NEURL1: variants seen among roughly 807,000 people sequenced by gnomAD.
The protein encoded by NEURL1 is E3 ubiquitin-protein ligase NEURL1.
NEURL1 carries 26 observed loss-of-function variants against 41.2 expected under a neutral mutation model. The ratio of observed to expected loss-of-function variants is 0.63; its 90% confidence interval spans 0.46 to 0.87. NEURL1 has a LOEUF of 0.87. NEURL1 is among the 40% of genes least tolerant of loss of function. NEURL1 has a pLI of 0.00. For missense variants in NEURL1, 761 were observed against 871.1 expected (o/e 0.87, Z 1.59); for synonymous variants, 400 against 402.3 (o/e 0.99, Z 0.07).
In NEURL1 at chr10:103,558,243, G is replaced by T; in HGVS notation, c.86-12629G>T. The T allele has an allele frequency of 1.0e-6, 1 of 985,306 alleles. No homozygotes were observed. The highest frequency in any genetic ancestry group is 1.2e-6 in the Non-Finnish European group (1 of 829,946). The allele number at this position is 985,306 out of a possible 1,614,324, so 61.0% of individuals were successfully genotyped here. ...CGGGCCAAACATTTTGGATTGCTGC[G>T]TTAAAGTGAGTGAGGGGAGGGTGAC... On this transcript the variant is annotated intron_variant, in intron 1 of 5. Transcript: ENST00000369780. The surrounding 1 kb of genome is among the most constrained non-coding windows in gnomAD (Gnocchi z 4.2).
At chr10:103,563,600 C>T (rs1564823436) in intron 1 of NEURL1, among the ~76,000 whole-genome samples, 1 of 151,856 alleles carries the variant, frequency 6.6e-6, no homozygotes, top group African/African-American at 2.4e-5. Context: ...TTTGGAGAGG[C>T]GCAGATGAGG....
At chr10:103,579,624 G>A (rs1367534905) in intron 3 of NEURL1, among the ~76,000 whole-genome samples, 2 of 152,122 alleles carry the variant, frequency 1.3e-5, no homozygotes, top group Non-Finnish European at 2.9e-5. Flanking sequence ...TAAGACTCTG[G>A]TAACTGAATT....
rs749130978 is a variant in NEURL1 at position 103,590,180 on chromosome 10, C to T, written c.1533C>T (p.Thr511=). Residue 511 remains threonine, a synonymous_variant, in exon 6 of 6, where the codon ACC becomes ACT. Transcript: ENST00000369780. Reference sequence around the variant, plus strand: ...TGAGCCTGCCCGAGTCGCCAGTGACCCCAGGTCTGGGCCAGTGGAGCGATG... The same window carrying T: ...TGAGCCTGCCCGAGTCGCCAGTGACTCCAGGTCTGGGCCAGTGGAGCGATG... ...SPVSLPESPV[T]PGLGQWSDEC... The T allele has an allele frequency of 3.1e-6, 5 of 1,614,182 alleles. No individual in the cohort carries two copies. The highest frequency in any genetic ancestry group is 4.2e-6 in the Non-Finnish European group (5 of 1,180,048).
chr10:103,509,049 C>T (rs747102771), intron 1 of NEURL1, among the ~76,000 whole-genome samples: 1 of 151,984 alleles, frequency 6.6e-6, no homozygotes, highest in Non-Finnish European at 1.5e-5. Context: ...GCCAACATGG[C>T]GAAAGCCCAT....
intron 3 of NEURL1, among the ~76,000 whole-genome samples, chr10:103,572,366 G>T (rs975795212): frequency 2.0e-5 from 3 of 152,208 alleles, no homozygotes; most frequent in African/African-American, 7.2e-5. Flanking sequence ...TCCAGGAGAC[G>T]GGGTTCCAAG....
At chr10:103,570,525 G>A (rs893493977) in intron 1 of NEURL1, among the ~76,000 whole-genome samples, 2 of 151,616 alleles carry the variant, frequency 1.3e-5, no homozygotes, top group Non-Finnish European at 2.9e-5. Flanking sequence ...AGTGGTGGTA[G>A]AGGGTGGTAG....
intron 3 of NEURL1, among the ~76,000 whole-genome samples, chr10:103,574,796 G>T (rs776263683): frequency 6.6e-6 from 1 of 152,146 alleles, no homozygotes; most frequent in Non-Finnish European, 1.5e-5. Flanking sequence ...ACTATAAATG[G>T]GTTTGCACGC....
At chr10:103,588,020 A>T (rs1266921262) in intron 4 of NEURL1, among the ~76,000 whole-genome samples, 1 of 152,178 alleles carries the variant, frequency 6.6e-6, no homozygotes, top group African/African-American at 2.4e-5. Flanking sequence ...AAGAAAGCTC[A>T]TGGGCTGGGC....
chr10:103,514,174 C>T (rs376367365), intron 1 of NEURL1, among the ~76,000 whole-genome samples: 54 of 151,966 alleles, frequency 3.6e-4, no homozygotes, highest in Middle Eastern at 3.4e-3. Flanking sequence ...CTGCAACCTC[C>T]GCCTCCTGGG....
At chr10:103,587,209 C>A (rs1232009028) in intron 4 of NEURL1, among the ~76,000 whole-genome samples, 1 of 152,144 alleles carries the variant, frequency 6.6e-6, no homozygotes. Flanking sequence ...ATTTCATTGA[C>A]CAGGATATAC....
At position 103,584,530 on chromosome 10, in the gene NEURL1, G is replaced by A; in HGVS notation, c.650-6G>A. On this transcript the variant is annotated splice_region_variant and splice_polypyrimidine_tract_variant and intron_variant, in intron 3 of 5. Coordinates refer to ENST00000369780, the MANE Select transcript of NEURL1 (RefSeq NM_004210.5). Reference sequence around the variant, plus strand: ...TGCGTGACACTGCCCCGTGTCTCCCGCGCAGATAGCGAGCTGGTGCTCCCG... The same window carrying A: ...TGCGTGACACTGCCCCGTGTCTCCCACGCAGATAGCGAGCTGGTGCTCCCG... 1.5e-6 allele frequency: 2 copies of A among 1,357,636 alleles called. No individual in the cohort carries two copies. Among genetic ancestry groups the A allele is most frequent in the Non-Finnish European group, 1.9e-6 (2 of 1,060,266 alleles). The allele number at this position is 1,357,636 out of a possible 1,614,324, so 84.1% of individuals were successfully genotyped here. A position where few individuals can be genotyped will look rare whatever the true frequency, so the allele number is the denominator to read the frequency against.
intron 1 of NEURL1, among the ~76,000 whole-genome samples, chr10:103,559,987 C>G (rs2035254752): frequency 6.6e-6 from 1 of 151,754 alleles, no homozygotes; most frequent in East Asian, 1.9e-4. Context: ...TGCACATGCA[C>G]ACATATACAC....
At position 103,565,223 on chromosome 10, in the gene NEURL1, C is replaced by CA. The variant is rs890037273; in HGVS notation, c.86-5648dup. Among the ~76,000 whole-genome samples the CA allele has an allele frequency of 2.3e-4, 35 of 152,270 alleles. 1 individual carries two copies. The highest frequency in any genetic ancestry group is 2.1e-3 in the Admixed American group (32 of 15,306). ...TGGGGCCTGCCACGTGACAGGAGCCCACAGTCCATGGCAGGAGATGCCCAG... is the reference window on the plus strand; with the variant it reads ...TGGGGCCTGCCACGTGACAGGAGCCCAACAGTCCATGGCAGGAGATGCCCAG... On this transcript the variant is annotated intron_variant, in intron 1 of 5. Transcript: ENST00000369780.
intron 1 of NEURL1, among the ~76,000 whole-genome samples, chr10:103,551,212 A>T (rs2035025665): frequency 6.6e-6 from 1 of 151,868 alleles, no homozygotes; most frequent in African/African-American, 2.4e-5. Flanking sequence ...CACTCAGTGA[A>T]TGGTTGATGA....
At chr10:103,574,330 G>A (rs1453210224) in intron 3 of NEURL1, among the ~76,000 whole-genome samples, 1 of 152,294 alleles carries the variant, frequency 6.6e-6, no homozygotes, top group African/African-American at 2.4e-5. Flanking sequence ...CTGCCGAGAT[G>A]GTTTCTATCC....
rs370118107 is a variant in NEURL1 at position 103,522,214 on chromosome 10, G to A, written c.85+27742G>A. Among the ~76,000 whole-genome samples, 51 of 152,192 alleles carry A rather than the reference G, an allele frequency of 3.4e-4. 2 individuals carry two copies. In the East Asian group the frequency reaches 9.1e-3, roughly 27 times the overall value. Reference sequence around the variant, plus strand: ...TGCTTCAGGCCATCCGGATGTTTACGTGCAGGTCACAGGGGATATGATGGC... The same window carrying A: ...TGCTTCAGGCCATCCGGATGTTTACATGCAGGTCACAGGGGATATGATGGC... On this transcript the variant is annotated intron_variant, in intron 1 of 5. Coordinates refer to ENST00000369780, the MANE Select transcript of NEURL1 (RefSeq NM_004210.5).
chr10:103,559,114 A>C (rs1269800220), intron 1 of NEURL1, among the ~76,000 whole-genome samples: 3 of 152,084 alleles, frequency 2.0e-5, no homozygotes, highest in Non-Finnish European at 4.4e-5. Context: ...CCGGTCCCCC[A>C]CTTACCGTTC....
intron 1 of NEURL1, among the ~76,000 whole-genome samples, chr10:103,555,802 C>T (rs1231613196): frequency 6.6e-6 from 1 of 152,184 alleles, no homozygotes; most frequent in Non-Finnish European, 1.5e-5. Flanking sequence ...TCTCCCGGGA[C>T]GGAGGCAGCC....
intron 1 of NEURL1, among the ~76,000 whole-genome samples, chr10:103,528,534 CAAAA>C (rs199861549): frequency 1.5e-5 from 1 of 67,768 alleles, no homozygotes; most frequent in Non-Finnish European, 3.4e-5. Flanking sequence ...GACTCCGTCT[CAAAA>C]AAAAAAAAAA....
Sources: allele counts gnomAD v4.1 joint callset (sites outside exome capture counted in the v4.1 genomes callset), GRCh38; gene constraint gnomAD v4.1.1; non-coding constraint Gnocchi (gnomAD v3.1); transcripts MANE v1.5; gene names NCBI Gene and HGNC (gene_info 2026-07-23, HGNC 2026-07-21).